ABCD3: variants seen among roughly 807,000 people sequenced by gnomAD.
ABCD3 encodes ATP-binding cassette sub-family D member 3.
In ABCD3, 41 loss-of-function variants were observed where a neutral mutation model predicts 105.5. The ratio of observed to expected loss-of-function variants is 0.39; its 90% CI spans 0.30 to 0.50. The LOEUF is 0.50. Ranked by LOEUF, ABCD3 falls within the 20% of genes least tolerant of loss-of-function variation. The probability of loss-of-function intolerance (pLI) is 0.84; values close to 1 mark genes in which losing one functional copy is unlikely to be tolerated. For synonymous variants in ABCD3, 258 were observed against 269.0 expected, an observed-to-expected ratio of 0.96 and a Z score of 0.40; for missense variants, 622 against 806.3, an observed-to-expected ratio of 0.77 and a Z score of 2.77.
At chr1:94,438,315 C>G (rs868343633) in intron 1 of ABCD3, among the ~76,000 whole-genome samples, 1 of 147,994 alleles carries the variant, frequency 6.8e-6, no homozygotes, top group East Asian at 2.0e-4. Context: ...CACACACACA[C>G]ACACACACAC....
At chr1:94,401,268 G>A in the ABCD3 span, among the ~76,000 whole-genome samples, 1 of 152,236 alleles carries the variant, frequency 6.6e-6, no homozygotes, top group Non-Finnish European at 1.5e-5. Flanking sequence ...AAGCCTGGTC[G>A]AACCTGCTAG....
chr1:94,450,587 CT>C (rs1000920843), intron 1 of ABCD3, among the ~76,000 whole-genome samples: 5 of 152,342 alleles, frequency 3.3e-5, no homozygotes, highest in Admixed American at 3.3e-4. Flanking sequence ...GTAAGAAATG[CT>C]TTTAGTTAAT....
At position 94,470,265 on chromosome 1, in the gene ABCD3, C is replaced by T. The variant is rs148244046; in HGVS notation, c.335+2258C>T. 9.2e-4 allele frequency among the ~76,000 whole-genome samples: 140 copies of T among 152,278 alleles called. 2 individuals carry two copies. The East Asian group carries it at 0.023, about 25-fold the overall frequency. ...TCACTTTTCTTCAGAATTTTGAGAA[C>T]ATCACTCTGTTCTGGGTCTCAACCT... is the stretch of plus-strand genomic sequence containing the variant. On this transcript the variant is annotated intron_variant, in intron 4 of 22. Coordinates refer to ENST00000370214, the MANE Select transcript of ABCD3 (RefSeq NM_002858.4).
At chr1:94,385,145 G>GCT in the ABCD3 span, among the ~76,000 whole-genome samples, 1 of 152,096 alleles carries the variant, frequency 6.6e-6, no homozygotes. Flanking sequence ...ATTAAATCTT[G>GCT]CTCTCTCTGA....
At chr1:94,451,451 T>G (rs1647254571) in intron 1 of ABCD3, among the ~76,000 whole-genome samples, 1 of 152,206 alleles carries the variant, frequency 6.6e-6, no homozygotes, top group African/African-American at 2.4e-5. Context: ...GGGAACAACT[T>G]AAACCAAGTT....
chr1:94,507,137 C>T (rs1372991494), intron 21 of ABCD3, among the ~76,000 whole-genome samples: 1 of 151,926 alleles, frequency 6.6e-6, no homozygotes, highest in African/African-American at 2.4e-5. Flanking sequence ...CTATCCCTCC[C>T]CCCTTCCCCC....
At position 94,482,227 on chromosome 1, in the gene ABCD3, ATATCT is replaced by A. The variant is rs572794274; in HGVS notation, c.828-939_828-935del. ...CCATGAAACGCGTGACAAATGTGTC[ATATCT>A]TATGGGAAGTTAATTTTACTTGAAG... On this transcript the variant is annotated intron_variant, in intron 9 of 22. Coordinates refer to ENST00000370214, the MANE Select transcript of ABCD3 (RefSeq NM_002858.4). The A allele has an allele frequency of 3.3e-5, 5 of 152,346 alleles. No individual in the cohort carries two copies. The East Asian group carries it at 7.7e-4, about 23-fold the overall frequency. The allele number at this position is 152,346 out of a possible 1,614,324, so 9.4% of individuals were successfully genotyped here. A position where few individuals can be genotyped will look rare whatever the true frequency, so the allele number is the denominator to read the frequency against.
At chr1:94,446,827 TGAAGGACC>T (rs1660366765) in intron 1 of ABCD3, among the ~76,000 whole-genome samples, 2 of 152,206 alleles carry the variant, frequency 1.3e-5, no homozygotes, top group African/African-American at 4.8e-5. Flanking sequence ...TTTTGCATTA[TGAAGGACC>T]TGATGGACAA....
At chr1:94,408,430 CA>C in the ABCD3 span, among the ~76,000 whole-genome samples, 948 of 140,598 alleles carry the variant, frequency 6.7e-3, 5 homozygotes, top group African/African-American at 0.02. Flanking sequence ...TAAAAAAATC[CA>C]AAAAAAAAAA....
At position 94,431,955 on chromosome 1, in the gene ABCD3, A is replaced by G. The variant is rs1179813814; in HGVS notation, c.110+13367A>G. Among the ~76,000 whole-genome samples, 6 of 152,208 alleles carry G rather than the reference A, an allele frequency of 3.9e-5. No homozygotes were observed. The East Asian group carries it at 1.2e-3, about 29-fold the overall frequency. The stretch of plus-strand genomic sequence containing the variant: ...AAGAGGTGGGGTGGAGGAAGCAAGC[A>G]TGGGACAGAATAAATGAGGTGATCC... On this transcript the variant is annotated intron_variant, in intron 1 of 22. Coordinates refer to ENST00000370214, the MANE Select transcript of ABCD3 (RefSeq NM_002858.4).
chr1:94,487,196 G>A (rs1649315856), intron 10 of ABCD3, among the ~76,000 whole-genome samples: 1 of 152,116 alleles, frequency 6.6e-6, no homozygotes, highest in Non-Finnish European at 1.5e-5. Flanking sequence ...TGTTCTTTTT[G>A]CTTTCGTTGT....
chr1:94,473,665 A>G (rs1052639238), intron 4 of ABCD3, 101 bp from the exon 5 acceptor site: 8 of 951,020 alleles, frequency 8.4e-6, no homozygotes, highest in Non-Finnish European at 1.4e-5. Flanking sequence ...GTTTTGATTT[A>G]ATAGAAGTTT....
At chr1:94,498,304 T>G (rs1375516318) in intron 16 of ABCD3, among the ~76,000 whole-genome samples, 1 of 152,038 alleles carries the variant, frequency 6.6e-6, no homozygotes, top group Non-Finnish European at 1.5e-5. Context: ...ACTCCCAGTT[T>G]CAAGCGATCC....
At chr1:94,468,061 A>G (rs968876174) in intron 4 of ABCD3, 54 bp downstream of exon 4, 1 of 1,227,096 alleles carries the variant, frequency 8.1e-7, no homozygotes, top group Non-Finnish European at 1.2e-6. Context: ...TTTGTCTCAT[A>G]TTTATGCATT....
Position 94,517,228 on chromosome 1 carries a change from TAAAAA to T in ABCD3, c.*106_*110del, listed in dbSNP as rs4148063. The T allele has an allele frequency of 3.8e-6, 3 of 781,676 alleles. No individual in the cohort carries two copies. The Admixed American group carries it at 7.2e-5, about 19-fold the overall frequency. The allele number at this position is 781,676 out of a possible 1,614,324, so 48.4% of individuals were successfully genotyped here. A position where few individuals can be genotyped will look rare whatever the true frequency, so the allele number is the denominator to read the frequency against. ...AAATAAAGTTGAGCTTAGTTTTTTT[TAAAAA>T]AAAAAACAAAGCAACAAATTAACTA... On this transcript the variant is annotated 3_prime_UTR_variant, in exon 23 of 23. Coordinates refer to ENST00000370214, the MANE Select transcript of ABCD3 (RefSeq NM_002858.4).
Position 94,517,233 on chromosome 1 carries a change from A to T in ABCD3, c.*104A>T, listed in dbSNP as rs1385181274. 2 of 874,802 alleles carry T rather than the reference A, an allele frequency of 2.3e-6. No homozygotes were observed. Among genetic ancestry groups the T allele is most frequent in the South Asian group, 1.4e-5 (1 of 69,832 alleles). 54.2% of individuals were successfully genotyped at this position (874,802 alleles called of 1,614,324 possible). ...AAGTTGAGCTTAGTTTTTTTTAAAA[A>T]AAAAAACAAAGCAACAAATTAACTA... On this transcript the variant is annotated 3_prime_UTR_variant, in exon 23 of 23. Coordinates refer to ENST00000370214, the MANE Select transcript of ABCD3 (RefSeq NM_002858.4).
At chr1:94,449,311 C>T (rs978934623) in intron 1 of ABCD3, among the ~76,000 whole-genome samples, 2 of 152,190 alleles carry the variant, frequency 1.3e-5, no homozygotes, top group Middle Eastern at 3.2e-3. Flanking sequence ...GGGGACAGAT[C>T]AAGAAGCTGT....
intron 7 of ABCD3, among the ~76,000 whole-genome samples, chr1:94,477,473 A>G (rs946295690): frequency 1.3e-5 from 2 of 151,960 alleles, no homozygotes; most frequent in Non-Finnish European, 2.9e-5. Context: ...AAAAAATACA[A>G]AAATTACCCA....
intron 21 of ABCD3, among the ~76,000 whole-genome samples, chr1:94,507,195 G>A (rs1016716511): frequency 4.6e-5 from 7 of 150,854 alleles, no homozygotes; most frequent in African/African-American, 1.7e-4. Context: ...CTGTGTCCAT[G>A]TGTTCTCATT....
Sources: gnomAD v4.1 joint callset for allele counts (sites outside exome capture counted in the v4.1 genomes callset) on GRCh38, gnomAD v4.1.1 for gene constraint, MANE v1.5 for transcripts, NCBI Gene and HGNC (gene_info 2026-07-23, HGNC 2026-07-21) for gene names.